COL11A2: variants seen among roughly 807,000 people sequenced by gnomAD.
The protein encoded by COL11A2 is collagen type XI alpha 2 chain.
In COL11A2, 116 loss-of-function variants were observed where a neutral mutation model predicts 273.4. The observed-to-expected ratio is 0.42, with a 90% CI of 0.36 to 0.49. The LOEUF is 0.49. Ranked by LOEUF, COL11A2 falls within the 20% of genes least tolerant of loss-of-function variation. The pLI, the probability that COL11A2 is intolerant of heterozygous loss-of-function variation, is 0.00. For synonymous variants in COL11A2, 782 were observed against 864.2 expected (o/e 0.90, Z 1.67); for missense variants, 1,866 against 2,309.0 (o/e 0.81, Z 3.93).
At position 33,188,445 on chromosome 6, in the gene COL11A2, G is replaced by A. The variant is rs762330427; in HGVS notation, c.523C>T (p.Leu175Phe). 6 of 1,613,056 alleles carry A rather than the reference G, an allele frequency of 3.7e-6. No individual in the cohort carries two copies. The highest frequency in any genetic ancestry group is 1.3e-5 in the African/African-American group (1 of 75,022). The change falls in exon 4 of 66, where the codon CTC (leucine) becomes TTC (phenylalanine). Residue 175 changes from leucine (L) to phenylalanine (F), a missense_variant. Transcript: ENST00000341947. ...AATACTGGACGAGCACTTCGGGGGA[G>A]AGGCCGGGTGACTCGCTTCTTGCAG... ...VDCKKRVTRPLPRSARPVLDT... is the reference protein window; with the variant it reads ...VDCKKRVTRPFPRSARPVLDT...
Position 33,179,456 on chromosome 6 carries a change from C to T in COL11A2, c.1478G>A (p.Gly493Glu), listed in dbSNP as rs1157288306. 2 of 1,568,450 alleles carry T rather than the reference C, an allele frequency of 1.3e-6. No homozygotes were observed. Among genetic ancestry groups the T allele is most frequent in the Non-Finnish European group, 1.7e-6 (2 of 1,156,720 alleles). The change falls in exon 14 of 66, where the codon GGA (glycine) becomes GAA (glutamate). Residue 493 changes from glycine to glutamate, a missense_variant. Gly to Glu is a moderately conservative substitution (Grantham distance 98). Transcript: ENST00000341947. This position sits in a 1 kb window ranked among gnomAD's most constrained non-coding sequence, Gnocchi z 6.4. ...CAAGGGTCCAGGGCGCCCTGTGTAT[C>T]CCATGGGGCCAGGGGGTCCACGGAG... Reference protein sequence around the residue: ...LALRGPPGPMGYTGRPGPLGQ... With the variant: ...LALRGPPGPMEYTGRPGPLGQ...
chr6:33,176,808 C>A lies in COL11A2; in HGVS notation c.2071-43G>T, dbSNP rs534080497. 6.2e-7 allele frequency: 1 copy of A among 1,602,304 alleles called. No individual in the cohort carries two copies. The highest frequency in any genetic ancestry group is 8.5e-7 in the Non-Finnish European group (1 of 1,173,274). ...AAAATGTGACCAGTGGCCCCTGTCA[C>A]CCTCTCTGCACCCCTCCCTACACTT... On this transcript the variant is annotated intron_variant, in intron 25 of 65. Coordinates refer to ENST00000341947, the MANE Select transcript of COL11A2 (RefSeq NM_080680.3). The surrounding 1 kb of genome is among the most constrained non-coding windows in gnomAD (Gnocchi z 4.9).
rs753713549 is a variant in COL11A2, at chr6:33,163,867, C to T, written c.5071-49G>A. 5 of 1,612,568 alleles carry T rather than the reference C, an allele frequency of 3.1e-6. No homozygotes were observed. The highest frequency in any genetic ancestry group is 4.2e-6 in the Non-Finnish European group (5 of 1,179,808). On this transcript the variant is annotated intron_variant, in intron 65 of 65. Coordinates refer to ENST00000341947, the MANE Select transcript of COL11A2 (RefSeq NM_080680.3). This position sits in a 1 kb window ranked among gnomAD's most constrained non-coding sequence, Gnocchi z 4.1. ...AGTGTGAGCAGGATGGAGGCACCCC[C>T]CACCCTCTAACCTCAGGCCCAGGCT... is the stretch of plus-strand genomic sequence containing the variant.
At position 33,186,672 on chromosome 6, in the gene COL11A2, T is replaced by TTGC; in HGVS notation, c.750_752dup (p.Gln251dup). On this transcript the variant is annotated inframe_insertion, in exon 5 of 66. Transcript: ENST00000341947. ...TTTGTGGCCTGTGAAGTCTTGATGG[T>TTGC]TGCTGCTGTGGAGATCTCTGGGCTC... The TTGC allele has an allele frequency of 6.2e-7, 1 of 1,614,080 alleles. No homozygotes were observed. The highest frequency in any genetic ancestry group is 1.1e-5 in the South Asian group (1 of 91,074).
At chr6:33,185,161 C>T (rs1351952174) in intron 6 of COL11A2, 107 bp from the exon 7 acceptor site, 1 of 821,048 alleles carries the variant, frequency 1.2e-6, no homozygotes, top group Admixed American at 2.0e-5. Context: ...CAGGGTCTGT[C>T]TGTGCTGGGG....
chr6:33,191,794 A>G (rs544854165), intron 1 of COL11A2, among the ~76,000 whole-genome samples: 1 of 152,258 alleles, frequency 6.6e-6, no homozygotes, highest in South Asian at 2.1e-4. Context: ...TAAGACACAC[A>G]CGCCTCACCC....
Position 33,169,966 on chromosome 6 carries a change from G to T in COL11A2, c.3636+81C>A. On this transcript the variant is annotated intron_variant, in intron 49 of 65. Coordinates refer to ENST00000341947, the MANE Select transcript of COL11A2 (RefSeq NM_080680.3). The surrounding 1 kb of genome is among the most constrained non-coding windows in gnomAD (Gnocchi z 5.5). ...TATTCCCCACATCTCATTCTCTTTT[G>T]TCTCCCCACCCAAAATTGGCAGAAA... 1 of 1,612,412 alleles carries T rather than the reference G, an allele frequency of 6.2e-7. No homozygotes were observed. The highest frequency in any genetic ancestry group is 1.1e-5 in the South Asian group (1 of 91,044).
At position 33,165,207 on chromosome 6, in the gene COL11A2, C is replaced by T. The variant is rs1768940951; in HGVS notation, c.4751-243G>A. ...CCAACAGTAACCCCAGGCCCTCTGA[C>T]TGGAGGAGGTCCGAGTATGGACAGC... On this transcript the variant is annotated intron_variant, in intron 63 of 65. Coordinates refer to ENST00000341947, the MANE Select transcript of COL11A2 (RefSeq NM_080680.3). This position sits in a 1 kb window ranked among gnomAD's most constrained non-coding sequence, Gnocchi z 7.7. 6.6e-6 allele frequency among the ~76,000 whole-genome samples: 1 copy of T among 152,196 alleles called. No homozygotes were observed. The highest frequency in any genetic ancestry group is 6.5e-5 in the Admixed American group (1 of 15,290).
In COL11A2 at chr6:33,184,244, A is replaced by AG. The variant is rs1772090962; in HGVS notation, c.1019dup (p.Glu341Ter). The stretch of plus-strand genomic sequence containing the variant: ...CATAGGTGTAATCGTAGGGCCCTTC[A>AG]GGGGGGTCTGTGCCACCCTCCCCAT... On this transcript the variant is annotated frameshift_variant, in exon 8 of 66. Transcript: ENST00000341947. LOFTEE classifies it high-confidence loss of function. 2 of 1,367,580 alleles carry AG rather than the reference A, an allele frequency of 1.5e-6. No individual in the cohort carries two copies. The highest frequency in any genetic ancestry group is 2.9e-5 in the African/African-American group (2 of 67,836). The allele number at this position is 1,367,580 out of a possible 1,614,324, so 84.7% of individuals were successfully genotyped here. A position where few individuals can be genotyped will look rare whatever the true frequency, so the allele number is the denominator to read the frequency against.
intron 12 of COL11A2, 91 bp downstream of exon 12, chr6:33,180,167 C>T: frequency 7.8e-7 from 1 of 1,277,834 alleles, no homozygotes; most frequent in South Asian, 1.2e-5. Flanking sequence ...GAGACTCCTC[C>T]ATATCTTTCC....
chr6:33,170,806 A>G lies in COL11A2; in HGVS notation c.3474+4T>C. 6.2e-7 allele frequency: 1 copy of G among 1,610,996 alleles called. No homozygotes were observed. Among genetic ancestry groups the G allele is most frequent in the Non-Finnish European group, 8.5e-7 (1 of 1,179,160 alleles). ...CTCAGCCCCTGTCCTATCCCCCAAC[A>G]CACCTGTAGGCCAATGGGTCCTGGG... is the stretch of plus-strand genomic sequence containing the variant. On this transcript the variant is annotated splice_donor_region_variant and intron_variant, in intron 46 of 65. Coordinates refer to ENST00000341947, the MANE Select transcript of COL11A2 (RefSeq NM_080680.3). This position sits in a 1 kb window ranked among gnomAD's most constrained non-coding sequence, Gnocchi z 4.3.
At chr6:33,184,435 A>T in intron 7 of COL11A2, 111 bp from the exon 8 acceptor site, 1 of 743,356 alleles carries the variant, frequency 1.3e-6, no homozygotes, top group Non-Finnish European at 1.9e-6. Context: ...TCCAAGGTTA[A>T]TCAGAACTGG....
chr6:33,183,051 G>C (rs1004160603), intron 8 of COL11A2, among the ~76,000 whole-genome samples: 2 of 152,174 alleles, frequency 1.3e-5, no homozygotes, highest in African/African-American at 2.4e-5. Context: ...AGGCAAGAGA[G>C]GGGAGGTATG....
In COL11A2 at chr6:33,178,123, G is replaced by A. The variant is rs763212532; in HGVS notation, c.1872+9C>T. On this transcript the variant is annotated intron_variant, in intron 21 of 65. Coordinates refer to ENST00000341947, the MANE Select transcript of COL11A2 (RefSeq NM_080680.3). This position sits in a 1 kb window ranked among gnomAD's most constrained non-coding sequence, Gnocchi z 4.6. ...TCACCTCAGGGTCAGAAGTCAGGGA[G>A]TCACTTACAGGGGGTCCAGGAATAC... 6.8e-6 allele frequency: 11 copies of A among 1,606,584 alleles called. No individual in the cohort carries two copies. The South Asian group carries it at 1.2e-4, about 18-fold the overall frequency.
Position 33,169,246 on chromosome 6 carries a change from G to T in COL11A2, c.3798+137C>A. 1 of 828,086 alleles carries T rather than the reference G, an allele frequency of 1.2e-6. No individual in the cohort carries two copies. The highest frequency in any genetic ancestry group is 2.0e-6 in the Non-Finnish European group (1 of 510,298). The allele number at this position is 828,086 out of a possible 1,614,324, so 51.3% of individuals were successfully genotyped here. On this transcript the variant is annotated intron_variant, in intron 51 of 65. Coordinates refer to ENST00000341947, the MANE Select transcript of COL11A2 (RefSeq NM_080680.3). This position sits in a 1 kb window ranked among gnomAD's most constrained non-coding sequence, Gnocchi z 5.5. ...GATCCTAGACCCCAGGCATCCCTCT[G>T]GATGCCCCATTCCCAGAGCATCCCC...
At chr6:33,182,900 C>A (rs145135650) in intron 8 of COL11A2, among the ~76,000 whole-genome samples, 10 of 152,086 alleles carry the variant, frequency 6.6e-5, no homozygotes, top group Admixed American at 3.3e-4. Context: ...CCAACTCCCC[C>A]CAACAAAGAT....
At chr6:33,181,365 C>G (rs1771714568) in intron 8 of COL11A2, among the ~76,000 whole-genome samples, 195 bp from the exon 9 acceptor site, 1 of 135,318 alleles carries the variant, frequency 7.4e-6, no homozygotes. Flanking sequence ...CCTCAGGGTT[C>G]CCTGCCCCCC....
At chr6:33,184,865 C>T (rs750826510) in intron 7 of COL11A2, 127 bp downstream of exon 7, 8 of 766,772 alleles carry the variant, frequency 1.0e-5, no homozygotes, top group South Asian at 3.2e-5. Context: ...CAGAGGCCAT[C>T]GATGGAAATG....
intron 11 of COL11A2, 107 bp from the exon 12 acceptor site, chr6:33,180,439 T>A: frequency 1.8e-6 from 2 of 1,094,802 alleles, no homozygotes; most frequent in Non-Finnish European, 2.7e-6. Flanking sequence ...TAGATTGCTC[T>A]AGCTCTTTCC....
Sources: gnomAD v4.1 joint callset for allele counts (sites outside exome capture counted in the v4.1 genomes callset) on GRCh38, gnomAD v4.1.1 for gene constraint, Gnocchi (gnomAD v3.1) non-coding constraint, MANE v1.5 for transcripts, NCBI Gene and HGNC (gene_info 2026-07-23, HGNC 2026-07-21) for gene names.